CEP164: variants seen among roughly 807,000 people sequenced by gnomAD.
CEP164 encodes the protein centrosomal protein 164, also known as centrosomal protein of 164 kDa.
A neutral mutation model predicts 182.7 loss-of-function variants in CEP164; 162 were observed. The ratio of observed to expected loss-of-function variants is 0.89; its 90% confidence interval spans 0.78 to 1.01. The LOEUF (loss-of-function observed/expected upper bound fraction) is 1.01. Ranked by LOEUF, CEP164 falls within the 50% of genes least tolerant of loss-of-function variation. The pLI is 0.00. For missense variants in CEP164, 1,735 were observed against 1,790.4 expected (o/e 0.97, Z 0.56); for synonymous variants, 661 against 690.0 (o/e 0.96, Z 0.66).
chr11:117,351,069 A>G (rs375790728), intron 4 of CEP164, among the ~76,000 whole-genome samples: 2 of 152,088 alleles, frequency 1.3e-5, no homozygotes, highest in East Asian at 3.9e-4. Context: ...TTTCGCTCTT[A>G]TTGCCCAGGC....
At chr11:117,410,776 G>A in intron 30 of CEP164, 52 bp from the exon 31 acceptor site, 1 of 1,511,088 alleles carries the variant, frequency 6.6e-7, no homozygotes, top group Non-Finnish European at 9.1e-7. Context: ...GTGCTGGTGG[G>A]CAGGGTGGTG....
At chr11:117,362,083 A>G (rs1175083785) in intron 6 of CEP164, 90 bp downstream of exon 6, 3 of 1,276,434 alleles carry the variant, frequency 2.4e-6, no homozygotes, top group Non-Finnish European at 3.3e-6. Flanking sequence ...GGTGAGAAAT[A>G]GACAGAATCG....
chr11:117,408,110 TCCTGCA>T, intron 28 of CEP164, 78 bp downstream of exon 28: 1 of 1,129,786 alleles, frequency 8.9e-7, no homozygotes. Flanking sequence ...AGTTCTTTGG[TCCTGCA>T]TCCGGGGGAG....
chr11:117,367,175 G>T (rs2041733015), intron 8 of CEP164, among the ~76,000 whole-genome samples: 1 of 152,326 alleles, frequency 6.6e-6, no homozygotes, highest in South Asian at 2.1e-4. Flanking sequence ...AGACAAGGGG[G>T]CAGGGGCCAG....
At chr11:117,338,524 G>T in intron 2 of CEP164, 42 bp from the exon 3 acceptor site, 12 of 1,430,238 alleles carry the variant, frequency 8.4e-6, no homozygotes, top group East Asian at 6.8e-5. Context: ...GTTAAGCTTG[G>T]TCACTGATTT....
chr11:117,400,932 A>G (rs545850246), intron 27 of CEP164, among the ~76,000 whole-genome samples: 14 of 152,220 alleles, frequency 9.2e-5, no homozygotes, highest in Admixed American at 3.9e-4. Flanking sequence ...TCATCTGCAA[A>G]CAGAAACCAT....
intron 25 of CEP164, 87 bp downstream of exon 25, chr11:117,396,267 G>T: frequency 6.9e-7 from 1 of 1,448,566 alleles, no homozygotes; most frequent in Middle Eastern, 2.4e-4. Flanking sequence ...AGTACTTCCA[G>T]AGGGGACAGC....
intron 14 of CEP164, chr11:117,386,226 G>C (rs559248190): frequency 6.6e-6 from 1 of 152,378 alleles, no homozygotes; most frequent in Non-Finnish European, 1.5e-5. Context: ...GAGGGACCTG[G>C]ACGTGGAGAC....
intron 14 of CEP164, among the ~76,000 whole-genome samples, chr11:117,383,766 G>A (rs1395608470): frequency 6.6e-6 from 1 of 152,216 alleles, no homozygotes; most frequent in African/African-American, 2.4e-5. Flanking sequence ...GCCGGGCGCG[G>A]TGGCTCACAC....
chr11:117,345,197 G>A (rs1437451822), intron 4 of CEP164, among the ~76,000 whole-genome samples: 2 of 152,162 alleles, frequency 1.3e-5, no homozygotes, highest in African/African-American at 4.8e-5. Context: ...GATTCACTCA[G>A]TGGTTGTCTC....
intron 1 of CEP164, among the ~76,000 whole-genome samples, chr11:117,328,638 A>G (rs912266744): frequency 6.6e-6 from 1 of 152,134 alleles, no homozygotes; most frequent in African/African-American, 2.4e-5. Flanking sequence ...AGACCTGCTT[A>G]CTGTCATCGT....
In CEP164 at chr11:117,410,229, G is replaced by C. The variant is rs181918854; in HGVS notation, c.4096+264G>C. 590 of 586,672 alleles carry C rather than the reference G, an allele frequency of 1.0e-3. 1 individual carries two copies. The highest frequency in any genetic ancestry group is 7.6e-3 in the African/African-American group (409 of 53,892). The allele number at this position is 586,672 out of a possible 1,614,324, so 36.3% of individuals were successfully genotyped here. A position where few individuals can be genotyped will look rare whatever the true frequency, so the allele number is the denominator to read the frequency against. ...TTTAGATGGAGCCTGGCTGACTGGG[G>C]CCTTTATTGTGGATTCTGGAGCTCA... On this transcript the variant is annotated intron_variant, in intron 30 of 32. Coordinates refer to ENST00000278935, the MANE Select transcript of CEP164 (RefSeq NM_014956.5).
chr11:117,383,651 C>A (rs1017288661), intron 14 of CEP164, among the ~76,000 whole-genome samples: 2 of 152,160 alleles, frequency 1.3e-5, no homozygotes, highest in Non-Finnish European at 2.9e-5. Context: ...TTACCCTTCC[C>A]CTTCCTACTC....
At chr11:117,325,713 A>G (rs1164518355), upstream of CEP164, among the ~76,000 whole-genome samples, 1 of 152,110 alleles carries the variant, frequency 6.6e-6, no homozygotes, top group East Asian at 1.9e-4. Flanking sequence ...TGGAGAGGAA[A>G]GGGGACGATG....
chr11:117,392,661 GC>G (rs753709969), intron 19 of CEP164, 34 bp downstream of exon 19: 2 of 1,605,582 alleles, frequency 1.2e-6, no homozygotes, highest in South Asian at 2.2e-5. Flanking sequence ...AGTCGTGTGC[GC>G]CTGTTGTGGA....
rs1409731299 is a variant in CEP164, at chr11:117,344,565, G to C, written c.194+288G>C. ...AAGCATCTGTTTAGGATGTGCTGAG[G>C]GGTTGTTGTTACTCCTTGCAGACTG... On this transcript the variant is annotated intron_variant, in intron 4 of 32. Transcript: ENST00000278935. 4.6e-5 allele frequency among the ~76,000 whole-genome samples: 7 copies of C among 152,160 alleles called. No homozygotes were observed. The East Asian group carries it at 1.3e-3, about 29-fold the overall frequency.
chr11:117,390,659 A>T, intron 15 of CEP164, 118 bp from the exon 16 acceptor site: 890 of 995,058 alleles, frequency 8.9e-4, no homozygotes, highest in Non-Finnish European at 1.2e-3. Context: ...AAAAAAAAAG[A>T]TTTAGGAAGT....
intron 15 of CEP164, among the ~76,000 whole-genome samples, chr11:117,388,771 CTTTT>C (rs5795077): frequency 7.0e-6 from 1 of 142,734 alleles, no homozygotes; most frequent in African/African-American, 2.6e-5. Flanking sequence ...AATTTTCTCT[CTTTT>C]TTTTTTTTTT....
At chr11:117,396,716 C>A (rs1266247340) in intron 26 of CEP164, 105 bp downstream of exon 26, 12 of 932,352 alleles carry the variant, frequency 1.3e-5, no homozygotes, top group Non-Finnish European at 1.8e-5. Context: ...AGACGGTGAT[C>A]ACCAGTGGGG....
Sources: gnomAD v4.1 joint callset for allele counts (sites outside exome capture counted in the v4.1 genomes callset) on GRCh38, gnomAD v4.1.1 for gene constraint, MANE v1.5 for transcripts, NCBI Gene and HGNC (gene_info 2026-07-23, HGNC 2026-07-21) for gene names.